The following CAMK2A variants were observed in gnomAD, a reference collection of about 807,000 sequenced individuals.
CAMK2A encodes calcium/calmodulin-dependent protein kinase type II subunit alpha.
A neutral mutation model predicts 79.2 loss-of-function variants in CAMK2A; 7 were observed. The ratio of observed to expected loss-of-function variants is 0.09; its 90% CI spans 0.05 to 0.17. The LOEUF is 0.17. Ranked by LOEUF, CAMK2A falls within the 10% of genes least tolerant of loss-of-function variation. The pLI is 1.00. For synonymous variants in CAMK2A, 242 were observed against 251.7 expected, an observed-to-expected ratio of 0.96 and a Z score of 0.36; for missense variants, 214 against 646.4, an observed-to-expected ratio of 0.33 and a Z score of 7.25.
At chr5:150,283,360 C>T (rs1039680797) in intron 1 of CAMK2A, among the ~76,000 whole-genome samples, 1 of 152,182 alleles carries the variant, frequency 6.6e-6, no homozygotes, top group African/African-American at 2.4e-5. Flanking sequence ...AACTCTTCCT[C>T]CTCTCTCTTA....
chr5:150,276,981 G>C (rs910673149), intron 1 of CAMK2A, among the ~76,000 whole-genome samples: 1 of 152,174 alleles, frequency 6.6e-6, no homozygotes, highest in Non-Finnish European at 1.5e-5. Flanking sequence ...CGCAATCCCA[G>C]CACTTTGGGA....
chr5:150,245,947 G>A (rs543866516), intron 12 of CAMK2A, among the ~76,000 whole-genome samples: 1 of 152,360 alleles, frequency 6.6e-6, no homozygotes, highest in South Asian at 2.1e-4. Flanking sequence ...TGGCCTGAAT[G>A]TCCAGCCCTG....
chr5:150,275,770 T>G (rs1756919618), intron 1 of CAMK2A, among the ~76,000 whole-genome samples: 1 of 152,148 alleles, frequency 6.6e-6, no homozygotes, highest in Non-Finnish European at 1.5e-5. Context: ...CACAGGAACT[T>G]TAGTCCCCAT....
intron 16 of CAMK2A, 97 bp from the exon 17 acceptor site, chr5:150,228,383 C>T: frequency 1.3e-6 from 1 of 799,336 alleles, no homozygotes; most frequent in Non-Finnish European, 2.1e-6. Flanking sequence ...GCACCTACCT[C>T]ACAGGATCAT....
chr5:150,284,931 C>T lies in CAMK2A; in HGVS notation c.62+4633G>A, dbSNP rs1757362385. ...AGGGAGGCTACAGAGCGTGGCATCTCTAATGGGGCATTGCAGGCATCTCCA... is the reference window on the plus strand; with the variant it reads ...AGGGAGGCTACAGAGCGTGGCATCTTTAATGGGGCATTGCAGGCATCTCCA... On this transcript the variant is annotated intron_variant, in intron 1 of 18. Coordinates refer to ENST00000671881, the MANE Select transcript of CAMK2A (RefSeq NM_015981.4). The surrounding 1 kb of genome is among the most constrained non-coding windows in gnomAD (Gnocchi z 5.3). 2.0e-5 allele frequency among the ~76,000 whole-genome samples: 3 copies of T among 152,186 alleles called. No individual in the cohort carries two copies. The highest frequency in any genetic ancestry group is 4.4e-5 in the Non-Finnish European group (3 of 68,036).
intron 2 of CAMK2A, among the ~76,000 whole-genome samples, chr5:150,271,171 T>C (rs1756731685): frequency 6.6e-6 from 1 of 152,214 alleles, no homozygotes; most frequent in African/African-American, 2.4e-5. Flanking sequence ...AATCCAGGCA[T>C]CTGGCCATGA....
rs904409113 is a variant in CAMK2A, at chr5:150,222,373, C to A, written c.*337G>T. 7.9e-6 allele frequency: 5 copies of A among 634,560 alleles called. No individual in the cohort carries two copies. The South Asian group carries it at 8.9e-5, about 11-fold the overall frequency. 39.3% of individuals were successfully genotyped at this position (634,560 alleles called of 1,614,324 possible). On this transcript the variant is annotated 3_prime_UTR_variant, in exon 19 of 19. Coordinates refer to ENST00000671881, the MANE Select transcript of CAMK2A (RefSeq NM_015981.4). ...CTCCCCAGCCCCTGGTGGGCACCAG[C>A]CCGGGCATTCTAGCCTACAGCCCAA... is the stretch of plus-strand genomic sequence containing the variant.
At chr5:150,247,505 G>C (rs2150276019) in intron 12 of CAMK2A, among the ~76,000 whole-genome samples, 1 of 152,334 alleles carries the variant, frequency 6.6e-6, no homozygotes, top group East Asian at 1.9e-4. Flanking sequence ...AGGCGGCCCA[G>C]CCTGAGAACC....
chr5:150,220,800 C>T lies in CAMK2A; in HGVS notation c.*1910G>A, dbSNP rs1177034993. ...ACCAGGAGGCCTGGGCAGCATCTCT[C>T]CTGGCCTGCAGACCTGGCGTTGCCT... On this transcript the variant is annotated 3_prime_UTR_variant, in exon 19 of 19. Transcript: ENST00000671881. 2 of 152,344 alleles carry T rather than the reference C, an allele frequency of 1.3e-5. No homozygotes were observed. Among genetic ancestry groups the T allele is most frequent in the African/African-American group, 2.4e-5 (1 of 41,386 alleles). The allele number at this position is 152,344 out of a possible 1,614,324, so 9.4% of individuals were successfully genotyped here. A position where few individuals can be genotyped will look rare whatever the true frequency, so the allele number is the denominator to read the frequency against.
At chr5:150,240,288 C>A (rs962941095) in intron 13 of CAMK2A, among the ~76,000 whole-genome samples, 16 of 152,178 alleles carry the variant, frequency 1.1e-4, no homozygotes, top group African/African-American at 3.9e-4. Flanking sequence ...TGGGGTGCGG[C>A]CTGAGCATCT....
At chr5:150,252,957 G>C (rs1755896772) in intron 7 of CAMK2A, among the ~76,000 whole-genome samples, 1 of 152,210 alleles carries the variant, frequency 6.6e-6, no homozygotes, top group Non-Finnish European at 1.5e-5. Context: ...GTAGCTTAAA[G>C]AGACCCAGTT....
intron 11 of CAMK2A, among the ~76,000 whole-genome samples, chr5:150,249,159 C>G (rs982284078): frequency 6.6e-6 from 1 of 152,242 alleles, no homozygotes; most frequent in Non-Finnish European, 1.5e-5. Context: ...GAGCTGGGGC[C>G]TCCGCCTCTT....
chr5:150,272,188 G>C (rs948455088), intron 2 of CAMK2A, among the ~76,000 whole-genome samples: 1 of 152,170 alleles, frequency 6.6e-6, no homozygotes, highest in African/African-American at 2.4e-5. Flanking sequence ...AGAAAGGGAG[G>C]TGGGTATTAA....
chr5:150,223,290 A>C lies in CAMK2A; in HGVS notation c.1238-73T>G, dbSNP rs1754433099. On this transcript the variant is annotated intron_variant, in intron 17 of 18. Coordinates refer to ENST00000671881, the MANE Select transcript of CAMK2A (RefSeq NM_015981.4). This position sits in a 1 kb window ranked among gnomAD's most constrained non-coding sequence, Gnocchi z 4.1. Reference sequence around the variant, plus strand: ...CTGTCTCACTTTCTTCACTTTCTCCACTCCCAGCAGCCCTCTCAATGGAGG... The same window carrying C: ...CTGTCTCACTTTCTTCACTTTCTCCCCTCCCAGCAGCCCTCTCAATGGAGG... The C allele has an allele frequency of 1.2e-5, 15 of 1,261,858 alleles. No individual in the cohort carries two copies. The highest frequency in any genetic ancestry group is 1.5e-5 in the Non-Finnish European group (13 of 893,978). The allele number at this position is 1,261,858 out of a possible 1,614,324, so 78.2% of individuals were successfully genotyped here.
chr5:150,247,884 C>A, intron 11 of CAMK2A, 70 bp from the exon 12 acceptor site: 1 of 1,309,874 alleles, frequency 7.6e-7, no homozygotes, highest in Non-Finnish European at 1.1e-6. Context: ...GACAGAGAGA[C>A]GGGAGGGCCA....
intron 1 of CAMK2A, among the ~76,000 whole-genome samples, chr5:150,274,938 G>A (rs1212873431): frequency 2.0e-5 from 3 of 152,256 alleles, no homozygotes; most frequent in Non-Finnish European, 4.4e-5. Flanking sequence ...AAAAGATGAG[G>A]CTGACAAGGC....
At chr5:150,226,394 T>TTC (rs1429215884) in intron 17 of CAMK2A, among the ~76,000 whole-genome samples, 1 of 152,170 alleles carries the variant, frequency 6.6e-6, no homozygotes, top group Non-Finnish European at 1.5e-5. Context: ...CTGAAGTACC[T>TTC]TCTTTGTTAT....
intron 15 of CAMK2A, among the ~76,000 whole-genome samples, chr5:150,237,641 G>T (rs551128148): frequency 6.6e-6 from 1 of 152,124 alleles, no homozygotes; most frequent in East Asian, 1.9e-4. Flanking sequence ...GTGAGCCACG[G>T]GACGACAGAG....
At chr5:150,259,991 TA>T (rs148267678) in intron 3 of CAMK2A, among the ~76,000 whole-genome samples, 23,816 of 151,686 alleles carry the variant, frequency 0.16, 1,977 homozygotes, top group East Asian at 0.26. Flanking sequence ...AAATTAAAAA[TA>T]AAAAAAATTC....
Sources: allele counts gnomAD v4.1 joint callset (sites outside exome capture counted in the v4.1 genomes callset), GRCh38; gene constraint gnomAD v4.1.1; non-coding constraint Gnocchi (gnomAD v3.1); transcripts MANE v1.5; gene names NCBI Gene and HGNC (gene_info 2026-07-23, HGNC 2026-07-21).